STXBP5L: variants seen among roughly 807,000 people sequenced by gnomAD.
The protein encoded by STXBP5L is syntaxin binding protein 5L.
A neutral mutation model predicts 144.5 loss-of-function variants in STXBP5L; 65 were observed. The ratio of observed to expected loss-of-function variants is 0.45; its 90% CI spans 0.37 to 0.55. The LOEUF is 0.55. Among genes scored for constraint, STXBP5L ranks in the 20% least tolerant of loss-of-function variants. The probability of loss-of-function intolerance (pLI) is 0.00; values close to 1 mark genes in which losing one functional copy is unlikely to be tolerated. For missense variants in STXBP5L, 1,298 were observed against 1,405.5 expected (o/e 0.92, Z 1.22); for synonymous variants, 505 against 469.6 (o/e 1.08, Z -0.97).
intron 20 of STXBP5L, among the ~76,000 whole-genome samples, chr3:121,332,675 C>G (rs1418701237): frequency 6.6e-6 from 1 of 151,752 alleles, no homozygotes; most frequent in Non-Finnish European, 1.5e-5. Context: ...GAAGAAAAAC[C>G]AAAAAGTCTA....
At chr3:121,017,242 C>G (rs1216657788) in intron 3 of STXBP5L, among the ~76,000 whole-genome samples, 3 of 152,092 alleles carry the variant, frequency 2.0e-5, no homozygotes, top group Non-Finnish European at 4.4e-5. Context: ...ATCTCACACC[C>G]ACACATGATA....
chr3:120,977,720 G>T (rs1299521495), intron 3 of STXBP5L, among the ~76,000 whole-genome samples: 1 of 152,156 alleles, frequency 6.6e-6, no homozygotes, highest in Non-Finnish European at 1.5e-5. Context: ...TCCTTCAGGA[G>T]CTCTTTTAGG....
At chr3:121,013,282 A>AAAT (rs1944912935) in intron 3 of STXBP5L, among the ~76,000 whole-genome samples, 1 of 152,104 alleles carries the variant, frequency 6.6e-6, no homozygotes, top group African/African-American at 2.4e-5. Flanking sequence ...TACTTTCCAC[A>AAAT]GAGGCTGAAC....
chr3:121,056,286 G>A (rs1374044531), intron 5 of STXBP5L, among the ~76,000 whole-genome samples: 1 of 152,132 alleles, frequency 6.6e-6, no homozygotes, highest in Non-Finnish European at 1.5e-5. Context: ...ATAAATTTAT[G>A]TAATACTGGA....
intron 18 of STXBP5L, among the ~76,000 whole-genome samples, chr3:121,277,392 G>A (rs796578027): frequency 6.6e-5 from 10 of 152,108 alleles, no homozygotes; most frequent in African/African-American, 2.4e-4. Flanking sequence ...CAAACATTCA[G>A]AGGATAGCAT....
At chr3:120,948,839 C>T (rs1043594451) in intron 2 of STXBP5L, among the ~76,000 whole-genome samples, 5 of 151,754 alleles carry the variant, frequency 3.3e-5, no homozygotes, top group Non-Finnish European at 7.4e-5. Flanking sequence ...TATTTTTCTG[C>T]GATTGGAAAT....
chr3:121,092,674 G>A (rs2042877427), intron 5 of STXBP5L, among the ~76,000 whole-genome samples: 1 of 152,210 alleles, frequency 6.6e-6, no homozygotes, highest in South Asian at 2.1e-4. Flanking sequence ...ATTTTGGGCT[G>A]AGACAGTGGG....
intron 5 of STXBP5L, among the ~76,000 whole-genome samples, chr3:121,059,718 TTTTA>T (rs2041166223): frequency 1.3e-5 from 2 of 152,158 alleles, no homozygotes; most frequent in South Asian, 4.1e-4. Flanking sequence ...TTCCTACGTA[TTTTA>T]TTCTGTTAGT....
intron 3 of STXBP5L, among the ~76,000 whole-genome samples, chr3:120,959,949 A>G (rs931391189): frequency 2.6e-5 from 4 of 152,214 alleles, no homozygotes; most frequent in Non-Finnish European, 5.9e-5. Context: ...AAAAGAAACT[A>G]CCATCAGAAT....
chr3:121,063,186 G>A (rs2041367882), intron 5 of STXBP5L, among the ~76,000 whole-genome samples: 1 of 152,130 alleles, frequency 6.6e-6, no homozygotes, highest in Non-Finnish European at 1.5e-5. Flanking sequence ...CTTCGGATGG[G>A]GTTTTGGTGT....
At chr3:121,233,332 C>T (rs1270673837) in intron 11 of STXBP5L, among the ~76,000 whole-genome samples, 1 of 152,122 alleles carries the variant, frequency 6.6e-6, no homozygotes, top group Non-Finnish European at 1.5e-5. Context: ...GTGACAGATT[C>T]ACTGTCTTCA....
chr3:121,399,510 C>G (rs1383508488), intron 22 of STXBP5L, among the ~76,000 whole-genome samples: 1 of 152,152 alleles, frequency 6.6e-6, no homozygotes, highest in East Asian at 1.9e-4. Flanking sequence ...CAGAGATTTA[C>G]CCACGTATTT....
intron 5 of STXBP5L, among the ~76,000 whole-genome samples, chr3:121,089,272 AT>A (rs1236821221): frequency 2.6e-5 from 4 of 151,654 alleles, no homozygotes; most frequent in Admixed American, 6.6e-5. Flanking sequence ...CCATAAAGCA[AT>A]TTTTTATTGG....
At chr3:121,002,446 A>G (rs776331306) in intron 3 of STXBP5L, among the ~76,000 whole-genome samples, 6 of 152,102 alleles carry the variant, frequency 3.9e-5, no homozygotes, top group Non-Finnish European at 7.4e-5. Context: ...ATATATGCAT[A>G]TCAGATATAT....
chr3:121,340,037 A>T (rs2044651502), intron 20 of STXBP5L, among the ~76,000 whole-genome samples: 2 of 152,270 alleles, frequency 1.3e-5, no homozygotes, highest in South Asian at 4.1e-4. Flanking sequence ...TATTTTTCAC[A>T]AAATTAGAAA....
intron 9 of STXBP5L, among the ~76,000 whole-genome samples, chr3:121,166,787 C>T (rs75578223): frequency 0.1 from 15,165 of 152,168 alleles, 949 homozygotes; most frequent in Non-Finnish European, 0.14. Context: ...TCTTCTCTTG[C>T]TTCTCTGACT....
At chr3:121,228,191 C>A (rs951355047) in intron 11 of STXBP5L, among the ~76,000 whole-genome samples, 1 of 152,154 alleles carries the variant, frequency 6.6e-6, no homozygotes, top group East Asian at 1.9e-4. Flanking sequence ...AAAACCTTAA[C>A]CCTTGTAAAG....
chr3:120,964,482 C>T (rs976582328), intron 3 of STXBP5L, among the ~76,000 whole-genome samples: 3 of 152,140 alleles, frequency 2.0e-5, no homozygotes, highest in Admixed American at 6.6e-5. Context: ...TCTTTGTTCT[C>T]ATTGGTTTCA....
chr3:121,101,050 G>C (rs1013679022), intron 5 of STXBP5L, among the ~76,000 whole-genome samples: 9 of 151,938 alleles, frequency 5.9e-5, no homozygotes, highest in African/African-American at 1.9e-4. Context: ...GGAAGAAATT[G>C]AAACCCTGAA....
Sources: gnomAD v4.1 joint callset for allele counts (sites outside exome capture counted in the v4.1 genomes callset) on GRCh38, gnomAD v4.1.1 for gene constraint, MANE v1.5 for transcripts, NCBI Gene and HGNC (gene_info 2026-07-23, HGNC 2026-07-21) for gene names.